The following LAIR1 variants were observed in gnomAD, a reference collection of about 807,000 sequenced individuals.
The protein encoded by LAIR1 is leukocyte-associated immunoglobulin-like receptor 1.
In LAIR1, 24 loss-of-function variants were observed where a neutral mutation model predicts 32.8. That is an observed-to-expected ratio of 0.73 (90% confidence interval 0.53 to 1.03). The LOEUF is 1.03. Ranked by LOEUF, LAIR1 falls within the 50% of genes least tolerant of loss-of-function variation. The pLI is 0.00. For synonymous variants in LAIR1, 150 were observed against 140.5 expected (o/e 1.07, Z -0.48); for missense variants, 355 against 347.5 (o/e 1.02, Z -0.17).
rs2081529335 is a variant in LAIR1 at position 54,351,422 on chromosome 19, T to C, written c.*3846A>G. ...ATATTTTATTTGTCTAAATGGAAGA[T>C]ATAGTTTACTTTCTTCACACAGATG... On this transcript the variant is annotated 3_prime_UTR_variant, in exon 10 of 10. Coordinates refer to ENST00000391742, the MANE Select transcript of LAIR1 (RefSeq NM_002287.6). The C allele has an allele frequency of 6.6e-6, 1 of 152,220 alleles. No homozygotes were observed. The highest frequency in any genetic ancestry group is 1.9e-4 in the East Asian group (1 of 5,202). The allele number at this position is 152,220 out of a possible 1,614,324, so 9.4% of individuals were successfully genotyped here.
Position 54,356,244 on chromosome 19 carries a change from A to C in LAIR1, c.650T>G (p.Leu217Arg). 1 of 1,611,350 alleles carries C rather than the reference A, an allele frequency of 6.2e-7. No homozygotes were observed. The highest frequency in any genetic ancestry group is 8.5e-7 in the Non-Finnish European group (1 of 1,179,520). Residue 217 changes from leucine to arginine, a missense_variant, in exon 8 of 10, where the codon CTA (leucine) becomes CGA (arginine). Coordinates refer to ENST00000391742, the MANE Select transcript of LAIR1 (RefSeq NM_002287.6). ...QQRPDLAVDV[L>R]ERTADKATVN... ...TCCCCCTTTACCTGCTGTCCTCTCT[A>C]GAACATCAACAGCCAGGTCAGGCCT...
At position 54,355,972 on chromosome 19, in the gene LAIR1, G is replaced by T; in HGVS notation, c.699C>A (p.Asp233Glu). The change falls in exon 9 of 10, where the codon GAC (aspartate) becomes GAA (glutamate). Residue 233 changes from aspartate (D) to glutamate (E), a missense_variant. Physicochemically the swap from Asp to Glu is conservative, Grantham distance 45 (BLOSUM62 2). Transcript: ENST00000391742. The surrounding 1 kb of genome is among the most constrained non-coding windows in gnomAD (Gnocchi z 4.7). ...GGCTCACCGAGGTGTCCGTCTCTCT[G>T]TCCTTCTCAGGAAGTCCATTGACTG... ...KATVNGLPEK[D>E]RETDTSALAA... 6.2e-7 allele frequency: 1 copy of T among 1,607,572 alleles called. No homozygotes were observed. The highest frequency in any genetic ancestry group is 1.1e-5 in the South Asian group (1 of 90,996).
intron 6 of LAIR1, 37 bp downstream of exon 6, chr19:54,356,454 G>C: frequency 6.2e-7 from 1 of 1,612,688 alleles, no homozygotes; most frequent in South Asian, 1.1e-5. Context: ...TCTCCTGACA[G>C]CTTCCCAGGT....
At chr19:54,369,905 G>A (rs931055125), upstream of LAIR1, among the ~76,000 whole-genome samples, 4 of 150,390 alleles carry the variant, frequency 2.7e-5, no homozygotes, top group Admixed American at 6.6e-5. Flanking sequence ...TGTGGTCGCC[G>A]TAATGATCTC....
chr19:54,364,400 G>T lies in LAIR1; in HGVS notation c.35-70C>A. The stretch of plus-strand genomic sequence containing the variant: ...CCTTACGGGGCTGCTGTCAAAAGGG[G>T]GCTCGATGGAGCTGGGGGGCATTCA... On this transcript the variant is annotated intron_variant, in intron 1 of 9. Coordinates refer to ENST00000391742, the MANE Select transcript of LAIR1 (RefSeq NM_002287.6). This position sits in a 1 kb window ranked among gnomAD's most constrained non-coding sequence, Gnocchi z 4.8. The T allele has an allele frequency of 6.2e-7, 1 of 1,601,322 alleles. No individual in the cohort carries two copies. Among genetic ancestry groups the T allele is most frequent in the African/African-American group, 1.3e-5 (1 of 74,750 alleles).
In LAIR1 at chr19:54,355,241, A is replaced by G. The variant is rs761342733; in HGVS notation, c.*27T>C. 1.3e-6 allele frequency: 2 copies of G among 1,547,236 alleles called. No homozygotes were observed. The highest frequency in any genetic ancestry group is 1.7e-6 in the Non-Finnish European group (2 of 1,143,870). On this transcript the variant is annotated 3_prime_UTR_variant, in exon 10 of 10. Coordinates refer to ENST00000391742, the MANE Select transcript of LAIR1 (RefSeq NM_002287.6). The surrounding 1 kb of genome is among the most constrained non-coding windows in gnomAD (Gnocchi z 4.7). The stretch of plus-strand genomic sequence containing the variant: ...TTTCCTAGAGTGACTTTCTACCCTC[A>G]GGTGCAGAGGCCAGGTGGGTATGGG...
At chr19:54,365,406 G>A (rs1375934596), upstream of LAIR1, among the ~76,000 whole-genome samples, 3 of 152,098 alleles carry the variant, frequency 2.0e-5, no homozygotes, top group African/African-American at 4.8e-5. Context: ...TAAAAATTGG[G>A]CAATCACTAT....
chr19:54,354,580 A>G lies in LAIR1; in HGVS notation c.*688T>C, dbSNP rs1054033. ...AAGAAAACGCTGACACGTTTTCGTAAGTCCTGTTTCCCTCACTCAGCTTTG... is the reference window on the plus strand; with the variant it reads ...AAGAAAACGCTGACACGTTTTCGTAGGTCCTGTTTCCCTCACTCAGCTTTG... On this transcript the variant is annotated 3_prime_UTR_variant, in exon 10 of 10. Coordinates refer to ENST00000391742, the MANE Select transcript of LAIR1 (RefSeq NM_002287.6). The G allele has an allele frequency of 0.8, 121,085 of 152,220 alleles. 49,162 individuals are homozygous for G. The highest frequency in any genetic ancestry group is 0.88 in the Non-Finnish European group (59,854 of 68,030). The allele number at this position is 152,220 out of a possible 1,614,324, so 9.4% of individuals were successfully genotyped here. A position where few individuals can be genotyped will look rare whatever the true frequency, so the allele number is the denominator to read the frequency against.
upstream of LAIR1, among the ~76,000 whole-genome samples, chr19:54,371,408 CCTGCCT>C (rs1168700169): frequency 6.6e-6 from 1 of 151,292 alleles, no homozygotes; most frequent in Non-Finnish European, 1.5e-5. Flanking sequence ...CAGCGATCCT[CCTGCCT>C]CAGCCTTCTG....
At position 54,355,520 on chromosome 19, in the gene LAIR1, T is replaced by C; in HGVS notation, c.718-106A>G. On this transcript the variant is annotated intron_variant, in intron 9 of 9. Coordinates refer to ENST00000391742, the MANE Select transcript of LAIR1 (RefSeq NM_002287.6). The surrounding 1 kb of genome is among the most constrained non-coding windows in gnomAD (Gnocchi z 4.7). Reference sequence around the variant, plus strand: ...CCATCTCCATGGGCCCTGAGGACCCTCTCCTAAATTGCATCCGTGTGAAGA... The same window carrying C: ...CCATCTCCATGGGCCCTGAGGACCCCCTCCTAAATTGCATCCGTGTGAAGA... 1 of 1,005,380 alleles carries C rather than the reference T, an allele frequency of 9.9e-7. No homozygotes were observed. 62.3% of individuals were successfully genotyped at this position (1,005,380 alleles called of 1,614,324 possible). A position where few individuals can be genotyped will look rare whatever the true frequency, so the allele number is the denominator to read the frequency against.
rs1396061087 is a variant in LAIR1 at position 54,356,978 on chromosome 19, G to A, written c.416-12C>T. On this transcript the variant is annotated splice_polypyrimidine_tract_variant and intron_variant, in intron 4 of 9. Coordinates refer to ENST00000391742, the MANE Select transcript of LAIR1 (RefSeq NM_002287.6). ...CCTCTGCGTGGGTCCTGGGAGGGAG[G>A]AATCAGAAGGAGGAGGAGTTAGAGT... 6.2e-7 allele frequency: 1 copy of A among 1,613,220 alleles called. No homozygotes were observed. Among genetic ancestry groups the A allele is most frequent in the East Asian group, 2.2e-5 (1 of 44,844 alleles).
At position 54,364,302 on chromosome 19, in the gene LAIR1, C is replaced by T. The variant is rs368266206; in HGVS notation, c.63G>A (p.Thr21=). 51 of 1,613,576 alleles carry T rather than the reference C, an allele frequency of 3.2e-5. No individual in the cohort carries two copies. The highest frequency in any genetic ancestry group is 2.2e-4 in the South Asian group (20 of 91,068). The change falls in exon 2 of 10, where the codon ACG becomes ACA. Residue 21 remains threonine, a synonymous_variant. Coordinates refer to ENST00000391742, the MANE Select transcript of LAIR1 (RefSeq NM_002287.6). This position sits in a 1 kb window ranked among gnomAD's most constrained non-coding sequence, Gnocchi z 4.8. ...GACGAAGGCATGACTTACCCTCCTG[C>T]GTGTGGATGGTCTGGGCCAGGCAGA... ...LVLCLAQTIH[T]QEEDLPRPSI...
chr19:54,365,885 T>C (rs370063605), upstream of LAIR1, among the ~76,000 whole-genome samples: 3 of 152,028 alleles, frequency 2.0e-5, no homozygotes, highest in African/African-American at 7.2e-5. Context: ...TAAATGTCCA[T>C]TGATAGAATA....
In LAIR1 at chr19:54,361,143, G is replaced by A; in HGVS notation, c.137C>T (p.Thr46Ile). ...CCCAACCGGGCCCCGGCACACGAAAGTCACATGGCTCCCCAGGGGGATCAC... is the reference window on the plus strand; with the variant it reads ...CCCAACCGGGCCCCGGCACACGAAAATCACATGGCTCCCCAGGGGGATCAC... ...GTVIPLGSHV[T>I]FVCRGPVGVQ... Residue 46 changes from threonine (T) to isoleucine (I), a missense_variant, in exon 3 of 10, where the codon ACT (threonine) becomes ATT (isoleucine). Coordinates refer to ENST00000391742, the MANE Select transcript of LAIR1 (RefSeq NM_002287.6). The A allele has an allele frequency of 6.2e-7, 1 of 1,614,198 alleles. No individual in the cohort carries two copies. Among genetic ancestry groups the A allele is most frequent in the South Asian group, 1.1e-5 (1 of 91,084 alleles).
upstream of LAIR1, among the ~76,000 whole-genome samples, chr19:54,373,239 G>A (rs538491913): frequency 3.4e-4 from 52 of 151,238 alleles, no homozygotes; most frequent in Admixed American, 8.5e-4. Flanking sequence ...TCAGGTGATC[G>A]AGACCATCCT....
intron 2 of LAIR1, among the ~76,000 whole-genome samples, chr19:54,361,535 G>A (rs2082024420): frequency 6.6e-6 from 1 of 152,042 alleles, no homozygotes; most frequent in South Asian, 2.1e-4. Flanking sequence ...TTTCCAGAGG[G>A]ACAGAGTGTG....
rs2081831546 is a variant in LAIR1, at chr19:54,358,321, C to T, written c.416-1355G>A. The stretch of plus-strand genomic sequence containing the variant: ...TATCTTTCATATAATATATAATATA[C>T]ACTATAGTCATATGTAGTGATACAC... On this transcript the variant is annotated intron_variant, in intron 4 of 9. Transcript: ENST00000391742. 4.5e-5 allele frequency: 7 copies of T among 156,236 alleles called. No individual in the cohort carries two copies. In the South Asian group the frequency reaches 1.4e-3, roughly 32 times the overall value. 9.7% of individuals were successfully genotyped at this position (156,236 alleles called of 1,614,324 possible). A position where few individuals can be genotyped will look rare whatever the true frequency, so the allele number is the denominator to read the frequency against.
upstream of LAIR1, among the ~76,000 whole-genome samples, chr19:54,369,282 AG>A (rs1327621479): frequency 1.3e-5 from 2 of 151,412 alleles, no homozygotes; most frequent in East Asian, 3.8e-4. Flanking sequence ...ACTGCAGAGA[AG>A]GGTTTCTGTT....
chr19:54,364,277 G>A lies in LAIR1; in HGVS notation c.70+18C>T, dbSNP rs761969952. On this transcript the variant is annotated intron_variant, in intron 2 of 9. Coordinates refer to ENST00000391742, the MANE Select transcript of LAIR1 (RefSeq NM_002287.6). The surrounding 1 kb of genome is among the most constrained non-coding windows in gnomAD (Gnocchi z 4.8). ...GTGACAGAGGGGACTGGGAAGATGG[G>A]ACGAAGGCATGACTTACCCTCCTGC... 1 of 1,609,986 alleles carries A rather than the reference G, an allele frequency of 6.2e-7. No individual in the cohort carries two copies. The highest frequency in any genetic ancestry group is 1.1e-5 in the South Asian group (1 of 90,960).
Sources: allele counts gnomAD v4.1 joint callset (sites outside exome capture counted in the v4.1 genomes callset), GRCh38; gene constraint gnomAD v4.1.1; non-coding constraint Gnocchi (gnomAD v3.1); transcripts MANE v1.5; gene names NCBI Gene and HGNC (gene_info 2026-07-23, HGNC 2026-07-21).